The following WDFY2 variants were observed in gnomAD, a reference collection of about 807,000 sequenced individuals.
WDFY2 encodes WD repeat and FYVE domain containing 2, also known as WD repeat and FYVE domain-containing protein 2.
Under a neutral mutation model 56.4 loss-of-function variants are expected in WDFY2, and 36 were observed. The observed-to-expected ratio is 0.64, with a 90% confidence interval of 0.49 to 0.84. The LOEUF (loss-of-function observed/expected upper bound fraction) is 0.84, where lower values mean the gene tolerates loss of function less well. WDFY2 is among the 40% of genes least tolerant of loss of function. WDFY2 has a pLI of 0.00. For missense variants in WDFY2, 444 were observed against 512.2 expected (o/e 0.87, Z 1.29); for synonymous variants, 176 against 183.7 (o/e 0.96, Z 0.34).
intron 1 of WDFY2, among the ~76,000 whole-genome samples, chr13:51,622,604 G>T (rs1954754203): frequency 1.3e-5 from 2 of 152,204 alleles, no homozygotes; most frequent in Admixed American, 6.5e-5. Context: ...AATGAACCAG[G>T]AGGCAGTTTA....
At chr13:51,734,050 C>A (rs1295116012) in intron 6 of WDFY2, among the ~76,000 whole-genome samples, 1 of 152,186 alleles carries the variant, frequency 6.6e-6, no homozygotes, top group Non-Finnish European at 1.5e-5. Context: ...TCAACAGGCT[C>A]TTAGTCTCCT....
intron 3 of WDFY2, among the ~76,000 whole-genome samples, chr13:51,696,729 A>G (rs890180840): frequency 1.3e-5 from 2 of 152,260 alleles, no homozygotes; most frequent in African/African-American, 2.4e-5. Context: ...TTAAAAAAGA[A>G]AAAGAAAAAC....
Position 51,653,993 on chromosome 13 carries a change from T to C in WDFY2, c.138-6603T>C, listed in dbSNP as rs12431362. Among the ~76,000 whole-genome samples, 836 of 152,362 alleles carry C rather than the reference T, an allele frequency of 5.5e-3. 44 individuals carry two copies. Among genetic ancestry groups the C allele is most frequent in the Admixed American group, 0.052 (791 of 15,308 alleles). Reference sequence around the variant, plus strand: ...TGCTGCCTTTTGTTTGGCTATGCCCTGCCCCCAGAGGTGGAGTCTACAGAG... The same window carrying C: ...TGCTGCCTTTTGTTTGGCTATGCCCCGCCCCCAGAGGTGGAGTCTACAGAG... On this transcript the variant is annotated intron_variant, in intron 1 of 11. Coordinates refer to ENST00000298125, the MANE Select transcript of WDFY2 (RefSeq NM_052950.4).
chr13:51,683,640 G>T (rs1489909385), intron 3 of WDFY2, among the ~76,000 whole-genome samples: 1 of 152,172 alleles, frequency 6.6e-6, no homozygotes, highest in Admixed American at 6.5e-5. Context: ...GAACTCACAA[G>T]AGCCAAAATG....
At chr13:51,734,996 G>C (rs560837044) in intron 6 of WDFY2, among the ~76,000 whole-genome samples, 1 of 152,204 alleles carries the variant, frequency 6.6e-6, no homozygotes, top group African/African-American at 2.4e-5. Context: ...TGGAATGCAG[G>C]GTAGCTGAAG....
At chr13:51,756,270 A>C in intron 9 of WDFY2, 62 bp from the exon 10 acceptor site, 3 of 1,558,966 alleles carry the variant, frequency 1.9e-6, no homozygotes, top group Non-Finnish European at 1.7e-6. Flanking sequence ...GAGGGGTGAG[A>C]TGCGGGGGCC....
chr13:51,660,356 T>G (rs1288962589), intron 1 of WDFY2, among the ~76,000 whole-genome samples: 1 of 151,030 alleles, frequency 6.6e-6, no homozygotes, highest in Non-Finnish European at 1.5e-5. Context: ...ACCACTACTC[T>G]CAGCTAATTT....
chr13:51,711,615 C>A (rs1221000323), intron 4 of WDFY2, among the ~76,000 whole-genome samples: 2 of 152,176 alleles, frequency 1.3e-5, no homozygotes, highest in African/African-American at 4.8e-5. Context: ...ACAACCCCAT[C>A]AAAAAGTGGG....
intron 4 of WDFY2, among the ~76,000 whole-genome samples, chr13:51,712,087 C>T (rs1413422387): frequency 2.0e-5 from 3 of 152,124 alleles, no homozygotes; most frequent in Non-Finnish European, 2.9e-5. Context: ...GAAAATATGG[C>T]ACATATACAC....
intron 3 of WDFY2, among the ~76,000 whole-genome samples, chr13:51,677,793 G>A (rs1222674068): frequency 6.6e-6 from 1 of 152,142 alleles, no homozygotes; most frequent in African/African-American, 2.4e-5. Flanking sequence ...TCTGGTAGGA[G>A]ACAAGCAGCA....
chr13:51,652,257 G>A (rs576642831), intron 1 of WDFY2, among the ~76,000 whole-genome samples: 1 of 152,062 alleles, frequency 6.6e-6, no homozygotes, highest in Non-Finnish European at 1.5e-5. Context: ...CATTTGCTTG[G>A]TAGATCTTCC....
At chr13:51,611,203 G>A (rs1313661690) in intron 1 of WDFY2, among the ~76,000 whole-genome samples, 2 of 152,148 alleles carry the variant, frequency 1.3e-5, no homozygotes, top group Admixed American at 6.5e-5. Context: ...GTACATAGTA[G>A]GTGCTCAGAA....
At chr13:51,612,017 C>A (rs954256296) in intron 1 of WDFY2, among the ~76,000 whole-genome samples, 1 of 152,114 alleles carries the variant, frequency 6.6e-6, no homozygotes, top group African/African-American at 2.4e-5. Flanking sequence ...AACCCTGGAG[C>A]TGCCCTACTG....
chr13:51,644,956 T>C (rs1417315794), intron 1 of WDFY2, among the ~76,000 whole-genome samples: 1 of 152,204 alleles, frequency 6.6e-6, no homozygotes, highest in South Asian at 2.1e-4. Flanking sequence ...CAGTGCATTG[T>C]AGAAGATTGG....
At chr13:51,742,512 C>G (rs554228274) in intron 7 of WDFY2, among the ~76,000 whole-genome samples, 2 of 152,004 alleles carry the variant, frequency 1.3e-5, no homozygotes, top group African/African-American at 4.8e-5. Context: ...TGGTTATTAC[C>G]GAAACATAAA....
intron 8 of WDFY2, among the ~76,000 whole-genome samples, chr13:51,754,123 G>C (rs927322874): frequency 4.0e-5 from 6 of 149,066 alleles, no homozygotes; most frequent in Non-Finnish European, 7.4e-5. Flanking sequence ...TTACTTAATT[G>C]ATGTACTGTT....
chr13:51,597,203 C>T (rs1954167959), intron 1 of WDFY2, among the ~76,000 whole-genome samples: 1 of 152,138 alleles, frequency 6.6e-6, no homozygotes, highest in South Asian at 2.1e-4. Context: ...ATACTATATA[C>T]CAAGTTGTTG....
intron 7 of WDFY2, 30 bp downstream of exon 7, chr13:51,739,205 C>G: frequency 6.4e-7 from 1 of 1,558,456 alleles, no homozygotes; most frequent in Non-Finnish European, 8.7e-7. Flanking sequence ...CATAAAGACT[C>G]TGAGAAAAGA....
chr13:51,758,154 C>G, intron 10 of WDFY2, 38 bp from the exon 11 acceptor site: 1 of 1,492,420 alleles, frequency 6.7e-7, no homozygotes, highest in South Asian at 1.3e-5. Context: ...CATATGTCAC[C>G]ACCTTTTCCC....
Sources: gnomAD v4.1 joint callset for allele counts (sites outside exome capture counted in the v4.1 genomes callset) on GRCh38, gnomAD v4.1.1 for gene constraint, MANE v1.5 for transcripts, NCBI Gene and HGNC (gene_info 2026-07-23, HGNC 2026-07-21) for gene names.